The following NECAB3 variants were observed in gnomAD, a reference collection of about 807,000 sequenced individuals.
NECAB3 encodes N-terminal EF-hand calcium binding protein 3.
NECAB3 carries 38 observed loss-of-function variants against 57.2 expected under a neutral mutation model. The ratio of observed to expected loss-of-function variants is 0.66; its 90% CI spans 0.51 to 0.87. NECAB3 has a LOEUF of 0.87. Among genes scored for constraint, NECAB3 ranks in the 40% least tolerant of loss-of-function variants. The pLI, the probability that NECAB3 is intolerant of heterozygous loss-of-function variation, is 0.00. For missense variants in NECAB3, 474 were observed against 527.5 expected (o/e 0.90, Z 0.99); for synonymous variants, 223 against 222.6 (o/e 1.00, Z -0.02).
At position 33,663,676 on chromosome 20, in the gene NECAB3, C is replaced by T. The variant is rs760969269; in HGVS notation, c.388-3281G>A. ...AGCGGGCGAAGGTAGCGAGCGCGAG[C>T]CGAGGATGCCGGTACTGCTGCTGCT... On this transcript the variant is annotated intron_variant, in intron 5 of 11. Transcript: ENST00000246190. 5 of 1,588,744 alleles carry T rather than the reference C, an allele frequency of 3.1e-6. No individual in the cohort carries two copies. The South Asian group carries it at 4.5e-5, about 14-fold the overall frequency.
chr20:33,673,918 G>A (rs1221395016), intron 1 of NECAB3, among the ~76,000 whole-genome samples: 1 of 152,092 alleles, frequency 6.6e-6, no homozygotes, highest in Non-Finnish European at 1.5e-5. Context: ...AGCCCAGCCT[G>A]GAGCTGCCAC....
Position 33,660,721 on chromosome 20 carries a change from C to T in NECAB3, c.388-326G>A, listed in dbSNP as rs565087957. 5.0e-4 allele frequency among the ~76,000 whole-genome samples: 76 copies of T among 152,306 alleles called. No homozygotes were observed. Among genetic ancestry groups the T allele is most frequent in the Non-Finnish European group, 7.4e-4 (50 of 68,014 alleles). ...CACTGTCATAGCCAGTGAGTCCCAG[C>T]CACAGCTAGGCTGGGTGGGGGCTAT... is the stretch of plus-strand genomic sequence containing the variant. On this transcript the variant is annotated intron_variant, in intron 5 of 11. Transcript: ENST00000246190. The surrounding 1 kb of genome is among the most constrained non-coding windows in gnomAD (Gnocchi z 4.1).
chr20:33,674,287 C>T lies in NECAB3; in HGVS notation c.66G>A (p.Gln22=). 2.5e-6 allele frequency: 3 copies of T among 1,224,468 alleles called. No individual in the cohort carries two copies. The highest frequency in any genetic ancestry group is 3.1e-6 in the Non-Finnish European group (3 of 983,056). 75.9% of individuals were successfully genotyped at this position (1,224,468 alleles called of 1,614,324 possible). A position where few individuals can be genotyped will look rare whatever the true frequency, so the allele number is the denominator to read the frequency against. The change falls in exon 1 of 12, where the codon CAG becomes CAA. Residue 22 remains glutamine (Q), a synonymous_variant. Coordinates refer to ENST00000246190, the MANE Select transcript of NECAB3 (RefSeq NM_031232.4). The part of the protein sequence containing the change: ...LRPPAPQPQP[Q]TPRHPQLAPD... ...GCGCGAGCTGGGGGTGCCGCGGGGT[C>T]TGGGGCTGGGGCTGGGGCGCGGGCG... is the stretch of plus-strand genomic sequence containing the variant.
rs1010365434 is a variant in NECAB3, at chr20:33,662,609, T to C, written c.388-2214A>G. 10 of 1,019,500 alleles carry C rather than the reference T, an allele frequency of 9.8e-6. No individual in the cohort carries two copies. The African/African-American group carries it at 1.6e-4, about 17-fold the overall frequency. 63.2% of individuals were successfully genotyped at this position (1,019,500 alleles called of 1,614,324 possible). A position where few individuals can be genotyped will look rare whatever the true frequency, so the allele number is the denominator to read the frequency against. ...AGGGGGTGAGGGAGGAATTCGAAAA[T>C]CTCTCCCAAGGATGAGGATCCCAGG... On this transcript the variant is annotated intron_variant, in intron 5 of 11. Transcript: ENST00000246190.
intron 3 of NECAB3, 22 bp from the exon 4 acceptor site, chr20:33,669,734 C>A (rs2017788044): frequency 1.3e-6 from 2 of 1,582,192 alleles, no homozygotes; most frequent in Middle Eastern, 1.7e-4. Context: ...AGAGAAGGCG[C>A]CCTTCAGACC....
At position 33,657,776 on chromosome 20, in the gene NECAB3, C is replaced by T. The variant is rs992436833; in HGVS notation, c.*53G>A. ...GCGCTGGGCTGGCCAGTCCAGAAGG[C>T]TCCAGAGGGAGGCAGGCAGGGTCCC... On this transcript the variant is annotated 3_prime_UTR_variant, in exon 12 of 12. Transcript: ENST00000246190. The T allele has an allele frequency of 3.4e-6, 5 of 1,491,078 alleles. No individual in the cohort carries two copies. The African/African-American group carries it at 5.6e-5, about 17-fold the overall frequency. The allele number at this position is 1,491,078 out of a possible 1,614,324, so 92.4% of individuals were successfully genotyped here.
intron 5 of NECAB3, chr20:33,664,088 C>G (rs2017582391): frequency 2.1e-6 from 1 of 479,478 alleles, no homozygotes; most frequent in Admixed American, 4.3e-5. Flanking sequence ...GAACAGAACC[C>G]CAAACCTTGC....
intron 5 of NECAB3, among the ~76,000 whole-genome samples, chr20:33,661,256 C>T (rs1174435932): frequency 6.6e-6 from 1 of 152,144 alleles, no homozygotes; most frequent in Non-Finnish European, 1.5e-5. Flanking sequence ...ACTTGTACAC[C>T]CAGGAGTCAC....
rs2017334009 is a variant in NECAB3 at position 33,657,852 on chromosome 20, A to AT, written c.1167_1168insA (p.Trp390MetfsTer6). On this transcript the variant is annotated frameshift_variant, in exon 12 of 12. Coordinates refer to ENST00000246190, the MANE Select transcript of NECAB3 (RefSeq NM_031232.4). LOFTEE classifies it high-confidence loss of function. ...GCTCAGTTGTTATTCATTATCCACC[A>AT]GGAGGCTGGGGGTCAGAGGCAGGGG... 1 of 1,542,860 alleles carries AT rather than the reference A, an allele frequency of 6.5e-7. No homozygotes were observed. Among genetic ancestry groups the AT allele is most frequent in the East Asian group, 2.5e-5 (1 of 40,816 alleles).
chr20:33,662,453 CA>C, intron 5 of NECAB3: 2 of 1,551,840 alleles, frequency 1.3e-6, no homozygotes, highest in Non-Finnish European at 1.7e-6. Context: ...TCAACCACCT[CA>C]CTCGGAAGAA....
intron 2 of NECAB3, 53 bp from the exon 3 acceptor site, chr20:33,670,845 T>G (rs1255045407): frequency 7.4e-7 from 1 of 1,358,136 alleles, no homozygotes; most frequent in East Asian, 2.3e-5. Context: ...TGACCCTGAC[T>G]GCACCCCTGC....
At chr20:33,663,674 A>G (rs1441607763) in intron 5 of NECAB3, 5 of 1,590,514 alleles carry the variant, frequency 3.1e-6, no homozygotes, top group Non-Finnish European at 4.3e-6. Context: ...AGCGAGCGCG[A>G]GCCGAGGATG....
At chr20:33,665,205 G>A (rs1291359863) in intron 5 of NECAB3, 1 of 152,344 alleles carries the variant, frequency 6.6e-6, no homozygotes, top group East Asian at 1.9e-4. Context: ...GCCAAGCGCA[G>A]TGGATCACGC....
intron 5 of NECAB3, chr20:33,667,505 G>C: frequency 6.6e-7 from 1 of 1,516,720 alleles, no homozygotes; most frequent in Non-Finnish European, 8.8e-7. Flanking sequence ...CACATGGCTA[G>C]CACCGCGTTG....
intron 5 of NECAB3, chr20:33,668,267 T>A: frequency 6.5e-7 from 1 of 1,548,428 alleles, no homozygotes; most frequent in Non-Finnish European, 8.7e-7. Flanking sequence ...TGGCACTGCG[T>A]TGGGGGACAG....
At chr20:33,668,478 G>A in intron 5 of NECAB3, 3 of 484,510 alleles carry the variant, frequency 6.2e-6, no homozygotes, top group Non-Finnish European at 1.1e-5. Flanking sequence ...TACCCACAGG[G>A]CCCTACTTTA....
At chr20:33,661,233 A>G (rs576583472) in intron 5 of NECAB3, among the ~76,000 whole-genome samples, 2 of 152,288 alleles carry the variant, frequency 1.3e-5, no homozygotes, top group African/African-American at 4.8e-5. Flanking sequence ...GTAATACAAT[A>G]AAGGGCCTGC....
chr20:33,674,183 C>T (rs915163659), intron 1 of NECAB3, 41 bp downstream of exon 1: 4 of 1,249,170 alleles, frequency 3.2e-6, no homozygotes, highest in African/African-American at 3.1e-5. Flanking sequence ...AACAGAGACT[C>T]GGGTAGGGAG....
chr20:33,672,186 G>A (rs984504594), intron 2 of NECAB3: 14 of 610,904 alleles, frequency 2.3e-5, no homozygotes, highest in Admixed American at 8.6e-5. Flanking sequence ...TCTCCAGTCC[G>A]TGGCCAAACC....
Sources: gnomAD v4.1 joint callset for allele counts (sites outside exome capture counted in the v4.1 genomes callset) on GRCh38, gnomAD v4.1.1 for gene constraint, Gnocchi (gnomAD v3.1) non-coding constraint, MANE v1.5 for transcripts, NCBI Gene and HGNC (gene_info 2026-07-23, HGNC 2026-07-21) for gene names.